Variants in NOP9 observed in about 807,000 individuals in gnomAD.
NOP9 encodes the protein NOP9 nucleolar protein.
Under a neutral mutation model 63.0 loss-of-function variants are expected in NOP9, and 50 were observed. The observed-to-expected ratio is 0.79, with a 90% CI of 0.63 to 1.00. NOP9 has a LOEUF of 1.00. Ranked by LOEUF, NOP9 falls within the 50% of genes least tolerant of loss-of-function variation. The pLI is 0.00. For missense variants in NOP9, 758 were observed against 803.0 expected (o/e 0.94, Z 0.68); for synonymous variants, 343 against 332.8 (o/e 1.03, Z -0.33).
At chr14:24,291,127 CA>C in the NOP9 span, 1 of 1,614,082 alleles carries the variant, frequency 6.2e-7, no homozygotes. Flanking sequence ...ACTGCTGTGC[CA>C]GGGTCCTCAC....
rs562266546 is a variant in NOP9 at position 24,307,360 on chromosome 14, G to C, written c.*2265G>C. ...CCCTGCTATAGGAACCGAGGAACTT[G>C]GCCTACTTACTTTGGCTAGCAGCTC... On this transcript the variant is annotated 3_prime_UTR_variant, in exon 10 of 10. Coordinates refer to ENST00000267425, the MANE Select transcript of NOP9 (RefSeq NM_174913.3). 6.2e-7 allele frequency: 1 copy of C among 1,610,488 alleles called. No individual in the cohort carries two copies. The highest frequency in any genetic ancestry group is 2.2e-5 in the East Asian group (1 of 44,838).
Position 24,303,168 on chromosome 14 carries a change from G to C in NOP9, c.1238G>C (p.Arg413Pro). The change falls in exon 6 of 10, where the codon CGC (arginine) becomes CCC (proline). Residue 413 changes from arginine to proline, a missense_variant. Physicochemically the swap from Arg to Pro is moderately radical, Grantham distance 103. Coordinates refer to ENST00000267425, the MANE Select transcript of NOP9 (RefSeq NM_174913.3). ...GVVIALVGAC[R>P]RVGAYQAKVL... ...GTCATTGCCCTGGTGGGGGCCTGTC[G>C]CAGAGTTGGGGCCTACCAAGCCAAG... 1 of 1,613,856 alleles carries C rather than the reference G, an allele frequency of 6.2e-7. No individual in the cohort carries two copies. Among genetic ancestry groups the C allele is most frequent in the Non-Finnish European group, 8.5e-7 (1 of 1,179,950 alleles).
the NOP9 span, among the ~76,000 whole-genome samples, chr14:24,274,499 T>C: frequency 1.1e-4 from 17 of 152,040 alleles, no homozygotes; most frequent in African/African-American, 4.1e-4. Flanking sequence ...ATAAGAGCAG[T>C]GGAACTGATG....
In NOP9 at chr14:24,308,913, G is replaced by A. The variant is rs1207057379; in HGVS notation, c.*3818G>A. 1 of 152,204 alleles carries A rather than the reference G, an allele frequency of 6.6e-6. No individual in the cohort carries two copies. Among genetic ancestry groups the A allele is most frequent in the Non-Finnish European group, 1.5e-5 (1 of 68,056 alleles). 9.4% of individuals were successfully genotyped at this position (152,204 alleles called of 1,614,324 possible). A position where few individuals can be genotyped will look rare whatever the true frequency, so the allele number is the denominator to read the frequency against. ...CCTGCAGGCTTGAGCCCAAGCCAGA[G>A]CCTTGAAAAGGTATTCAGGTTGTTG... On this transcript the variant is annotated 3_prime_UTR_variant, in exon 10 of 10. Coordinates refer to ENST00000267425, the MANE Select transcript of NOP9 (RefSeq NM_174913.3).
rs1223798921 is a variant in NOP9, at chr14:24,306,092, T to C, written c.*997T>C. 1.9e-6 allele frequency: 3 copies of C among 1,614,158 alleles called. No homozygotes were observed. The African/African-American group carries it at 4.0e-5, about 22-fold the overall frequency. Reference sequence around the variant, plus strand: ...AAGGTGAATCGGGCGATGTCCTTGCTGTGCTTGGGCCTCTCCCGTCCCAGG... The same window carrying C: ...AAGGTGAATCGGGCGATGTCCTTGCCGTGCTTGGGCCTCTCCCGTCCCAGG... On this transcript the variant is annotated 3_prime_UTR_variant, in exon 10 of 10. Coordinates refer to ENST00000267425, the MANE Select transcript of NOP9 (RefSeq NM_174913.3).
chr14:24,292,275 C>T, the NOP9 span: 116 of 1,614,064 alleles, frequency 7.2e-5, no homozygotes, highest in Non-Finnish European at 9.5e-5. Context: ...CAGAGACACA[C>T]AGCTGACCCC....
At chr14:24,285,123 C>T in the NOP9 span, among the ~76,000 whole-genome samples, 1 of 152,196 alleles carries the variant, frequency 6.6e-6, no homozygotes. Flanking sequence ...GGCTCCAAAG[C>T]CTCATTTTGA....
chr14:24,292,060 TC>T, the NOP9 span: 1 of 1,189,448 alleles, frequency 8.4e-7, no homozygotes, highest in Non-Finnish European at 1.2e-6. Flanking sequence ...ATAATGTGTG[TC>T]CCATGCTCAG....
the NOP9 span, chr14:24,291,762 A>AC: frequency 2.3e-6 from 2 of 883,504 alleles, no homozygotes; most frequent in Non-Finnish European, 3.7e-6. Flanking sequence ...GGCCTGTAGG[A>AC]CCCAAAGTAT....
At chr14:24,298,978 G>C, upstream of NOP9, 10 of 1,612,236 alleles carry the variant, frequency 6.2e-6, no homozygotes, top group Non-Finnish European at 8.5e-6. Flanking sequence ...CAACGCGAAG[G>C]GTGTCCAGAT....
At chr14:24,288,768 C>T in the NOP9 span, among the ~76,000 whole-genome samples, 16 of 152,164 alleles carry the variant, frequency 1.1e-4, no homozygotes, top group Non-Finnish European at 1.8e-4. Flanking sequence ...GAAGTCCATG[C>T]TTCCCTCATA....
At chr14:24,298,962 G>A (rs749980818), upstream of NOP9, 13 of 1,608,504 alleles carry the variant, frequency 8.1e-6, no homozygotes, top group Admixed American at 3.3e-5. Context: ...CTCACCTCCT[G>A]AGCAACAACG....
the NOP9 span, chr14:24,271,393 C>A: frequency 2.8e-6 from 1 of 360,912 alleles, no homozygotes; most frequent in Non-Finnish European, 5.0e-6. Context: ...GCCGGGGCAC[C>A]TGGGCGTTGG....
the NOP9 span, among the ~76,000 whole-genome samples, chr14:24,282,249 G>C: frequency 2.0e-5 from 3 of 152,148 alleles, no homozygotes; most frequent in Admixed American, 6.5e-5. Flanking sequence ...AGGGGAAAGA[G>C]CTCACACTTT....
chr14:24,300,670 T>G lies in NOP9; in HGVS notation c.510T>G (p.Asp170Glu), dbSNP rs143305802. 5.8e-6 allele frequency: 6 copies of G among 1,041,428 alleles called. No individual in the cohort carries two copies. Among genetic ancestry groups the G allele is most frequent in the African/African-American group, 1.9e-5 (1 of 51,694 alleles). 64.5% of individuals were successfully genotyped at this position (1,041,428 alleles called of 1,614,324 possible). Residue 170 changes from aspartate to glutamate, a missense_variant, in exon 2 of 10, where the codon GAT (aspartate) becomes GAG (glutamate). Coordinates refer to ENST00000267425, the MANE Select transcript of NOP9 (RefSeq NM_174913.3). ...AAEEEEEEEE[D>E]GKDGPTETLE... ...AGGAGGAGGAGGAGGAGGAGGAGGA[T>G]GGAAAGGATGGTCCCACGGAGACCC...
the NOP9 span, among the ~76,000 whole-genome samples, chr14:24,290,172 C>A: frequency 6.6e-6 from 1 of 152,236 alleles, no homozygotes; most frequent in Non-Finnish European, 1.5e-5. Flanking sequence ...TAGAACCATC[C>A]CGAGAGGAAG....
the NOP9 span, among the ~76,000 whole-genome samples, chr14:24,276,249 T>C: frequency 4.1e-3 from 614 of 151,566 alleles, no homozygotes; most frequent in African/African-American, 0.014. Flanking sequence ...TGGTGGTACG[T>C]GCCTGTAGTC....
rs1176589397 is a variant in NOP9 at position 24,305,473 on chromosome 14, C to T, written c.*378C>T. 2.0e-5 allele frequency: 16 copies of T among 815,332 alleles called. No homozygotes were observed. Among genetic ancestry groups the T allele is most frequent in the South Asian group, 1.6e-4 (9 of 54,670 alleles). The allele number at this position is 815,332 out of a possible 1,614,324, so 50.5% of individuals were successfully genotyped here. A position where few individuals can be genotyped will look rare whatever the true frequency, so the allele number is the denominator to read the frequency against. On this transcript the variant is annotated 3_prime_UTR_variant, in exon 10 of 10. Transcript: ENST00000267425. ...AAGGGTATAGACTTGGGATGTGAGG[C>T]GTTATGCTGAAAGGTTCTGTCACGA...
the NOP9 span, among the ~76,000 whole-genome samples, chr14:24,284,231 C>T: frequency 6.6e-6 from 1 of 152,232 alleles, no homozygotes; most frequent in Non-Finnish European, 1.5e-5. Context: ...ACCCCTCCCA[C>T]TCCTTTGAGT....
Sources: allele counts gnomAD v4.1 joint callset (sites outside exome capture counted in the v4.1 genomes callset), GRCh38; gene constraint gnomAD v4.1.1; transcripts MANE v1.5; gene names NCBI Gene and HGNC (gene_info 2026-07-23, HGNC 2026-07-21).